ASTN2: variants seen among roughly 807,000 people sequenced by gnomAD.
The protein encoded by ASTN2 is astrotactin 2, also known as astrotactin-2.
In ASTN2, 54 loss-of-function variants were observed where a neutral mutation model predicts 139.8. The ratio of observed to expected loss-of-function variants is 0.39; its 90% CI spans 0.31 to 0.48. ASTN2 has a LOEUF of 0.48. Among genes scored for constraint, ASTN2 ranks in the 20% least tolerant of loss-of-function variants. The probability of loss-of-function intolerance (pLI) is 0.95; values close to 1 mark genes in which losing one functional copy is unlikely to be tolerated. For missense variants in ASTN2, 1,565 were observed against 1,725.1 expected (o/e 0.91, Z 1.64); for synonymous variants, 756 against 719.5 (o/e 1.05, Z -0.81).
At chr9:116,933,995 T>TTTTC (rs1834992837) in intron 10 of ASTN2, among the ~76,000 whole-genome samples, 1 of 100,970 alleles carries the variant, frequency 9.9e-6, no homozygotes, top group African/African-American at 3.3e-5. Flanking sequence ...TTTTTTTTTT[T>TTTTC]TTTTTTTCTG....
At chr9:116,736,011 G>A (rs1034146738) in intron 13 of ASTN2, among the ~76,000 whole-genome samples, 2 of 152,182 alleles carry the variant, frequency 1.3e-5, no homozygotes, top group African/African-American at 4.8e-5. Flanking sequence ...CTGTGAAGTA[G>A]GTGTCATTTA....
intron 13 of ASTN2, among the ~76,000 whole-genome samples, chr9:116,782,591 T>C (rs565129529): frequency 1.3e-5 from 2 of 152,294 alleles, no homozygotes; most frequent in African/African-American, 2.4e-5. Flanking sequence ...CTTAGGGACG[T>C]ACTGAATGAA....
chr9:117,028,577 A>G (rs1355463414), intron 6 of ASTN2, among the ~76,000 whole-genome samples: 1 of 151,580 alleles, frequency 6.6e-6, no homozygotes, highest in African/African-American at 2.4e-5. Context: ...CGGAGGGGCC[A>G]GGCTTCCCAC....
chr9:116,840,311 A>G (rs1361987695), intron 11 of ASTN2, among the ~76,000 whole-genome samples: 1 of 150,914 alleles, frequency 6.6e-6, no homozygotes, highest in Non-Finnish European at 1.5e-5. Flanking sequence ...CCGATTTCTC[A>G]ATCTTTTCCT....
At chr9:117,304,825 G>A (rs532996137) in intron 1 of ASTN2, among the ~76,000 whole-genome samples, 4 of 152,308 alleles carry the variant, frequency 2.6e-5, no homozygotes, top group Admixed American at 2.0e-4. Context: ...AATTTAGGCC[G>A]GCCACAGATG....
rs192980998 is a variant in ASTN2 at position 116,794,427 on chromosome 9, A to G, written c.2396+11205T>C. On this transcript the variant is annotated intron_variant, in intron 13 of 22. Coordinates refer to ENST00000313400, the MANE Select transcript of ASTN2 (RefSeq NM_001365068.1). ...ACCTCATAATATTTGAAGAAAGTCT[A>G]CAAATTTGCATTAGGCCACATTCAA... Among the ~76,000 whole-genome samples the G allele has an allele frequency of 3.0e-4, 46 of 152,272 alleles. 1 individual carries two copies. The highest frequency in any genetic ancestry group is 2.7e-3 in the Admixed American group (41 of 15,290).
chr9:117,141,028 A>G (rs1165930877), intron 4 of ASTN2, among the ~76,000 whole-genome samples: 2 of 152,184 alleles, frequency 1.3e-5, no homozygotes, highest in East Asian at 3.9e-4. Context: ...CTTAAAGAAC[A>G]TCTACTTTGC....
In ASTN2 at chr9:116,621,515, T is replaced by C. The variant is rs188089626; in HGVS notation, c.3073-1072A>G. On this transcript the variant is annotated intron_variant, in intron 17 of 22. Transcript: ENST00000313400. ...CCCTCTCTGCACTCCAATTTACTCT[T>C]TGGGTCTCAAATAGGAAACATTCTC... Among the ~76,000 whole-genome samples the C allele has an allele frequency of 3.3e-3, 509 of 152,146 alleles. 1 individual carries two copies. The highest frequency in any genetic ancestry group is 5.3e-3 in the Non-Finnish European group (361 of 68,000).
intron 13 of ASTN2, among the ~76,000 whole-genome samples, chr9:116,799,027 A>G (rs991676127): frequency 6.8e-5 from 10 of 147,252 alleles, no homozygotes; most frequent in Non-Finnish European, 1.5e-4. Flanking sequence ...AAAAACACAT[A>G]AAGTATTCAG....
intron 19 of ASTN2, among the ~76,000 whole-genome samples, chr9:116,502,401 GC>G (rs1157638496): frequency 2.6e-5 from 4 of 151,822 alleles, no homozygotes; most frequent in Non-Finnish European, 4.4e-5. Context: ...AAAGACTGAA[GC>G]AGAAACTGAG....
At chr9:116,931,650 T>C (rs546257098) in intron 10 of ASTN2, among the ~76,000 whole-genome samples, 1 of 152,288 alleles carries the variant, frequency 6.6e-6, no homozygotes, top group East Asian at 1.9e-4. Flanking sequence ...AGCTAAGATA[T>C]CATAGGTGTC....
chr9:117,317,788 A>G (rs557748123), intron 1 of ASTN2, among the ~76,000 whole-genome samples: 1 of 152,254 alleles, frequency 6.6e-6, no homozygotes, highest in South Asian at 2.1e-4. Flanking sequence ...AGGATGCCCC[A>G]GAGAGCCCAG....
In ASTN2 at chr9:116,788,898, T is replaced by A. The variant is rs182202386; in HGVS notation, c.2396+16734A>T. ...TAGACCGAGTTTTGTTCAGCCTGAATCCCCAGAACCTGTCACATAATAAGC... is the reference window on the plus strand; with the variant it reads ...TAGACCGAGTTTTGTTCAGCCTGAAACCCCAGAACCTGTCACATAATAAGC... On this transcript the variant is annotated intron_variant, in intron 13 of 22. Coordinates refer to ENST00000313400, the MANE Select transcript of ASTN2 (RefSeq NM_001365068.1). Among the ~76,000 whole-genome samples, 29 of 152,276 alleles carry A rather than the reference T, an allele frequency of 1.9e-4. No homozygotes were observed. In the East Asian group the frequency reaches 5.4e-3, roughly 28 times the overall value.
At chr9:117,327,107 G>A (rs1828541534) in intron 1 of ASTN2, among the ~76,000 whole-genome samples, 1 of 152,138 alleles carries the variant, frequency 6.6e-6, no homozygotes, top group African/African-American at 2.4e-5. Flanking sequence ...CCTCAAGTAT[G>A]CAGTTCACAA....
chr9:116,737,288 G>A (rs547276953), intron 13 of ASTN2, among the ~76,000 whole-genome samples: 1 of 152,178 alleles, frequency 6.6e-6, no homozygotes, highest in South Asian at 2.1e-4. Context: ...GCAAAACATG[G>A]ATGAGAGAGT....
intron 13 of ASTN2, among the ~76,000 whole-genome samples, chr9:116,801,610 A>AAAAAAAAG (rs1830860356): frequency 1.4e-5 from 2 of 139,862 alleles, no homozygotes; most frequent in Non-Finnish European, 3.2e-5. Context: ...AAAAAAAAAA[A>AAAAAAAAG]AAAGAAAGAA....
chr9:117,297,023 G>A (rs75776522), intron 1 of ASTN2, among the ~76,000 whole-genome samples: 5,384 of 152,214 alleles, frequency 0.035, 138 homozygotes, highest in South Asian at 0.11. Context: ...GCTTTTAATC[G>A]GCTTGTTCTT....
intron 3 of ASTN2, among the ~76,000 whole-genome samples, chr9:117,206,136 T>C (rs1290230055): frequency 1.3e-5 from 2 of 152,166 alleles, no homozygotes; most frequent in Non-Finnish European, 2.9e-5. Context: ...CAGCTAGGAT[T>C]TGACCTGAGT....
At chr9:116,466,991 G>A (rs566958177) in intron 20 of ASTN2, among the ~76,000 whole-genome samples, 35 of 152,112 alleles carry the variant, frequency 2.3e-4, no homozygotes, top group Non-Finnish European at 1.9e-4. Flanking sequence ...AGTTCTCAAT[G>A]TGGTTTGGGT....
Sources: allele counts gnomAD v4.1 joint callset (sites outside exome capture counted in the v4.1 genomes callset), GRCh38; gene constraint gnomAD v4.1.1; transcripts MANE v1.5; gene names NCBI Gene and HGNC (gene_info 2026-07-23, HGNC 2026-07-21).